The following GRK5 variants were observed in gnomAD, a reference collection of about 807,000 sequenced individuals.
GRK5 encodes g protein-coupled receptor kinase GRK5.
A neutral mutation model predicts 78.4 loss-of-function variants in GRK5; 40 were observed. The ratio of observed to expected loss-of-function variants is 0.51; its 90% confidence interval spans 0.40 to 0.66. The LOEUF is 0.66. Among genes scored for constraint, GRK5 ranks in the 30% least tolerant of loss-of-function variants. GRK5 has a pLI of 0.00. For synonymous variants in GRK5, 289 were observed against 296.8 expected (o/e 0.97, Z 0.27); for missense variants, 598 against 759.9 (o/e 0.79, Z 2.50).
intron 6 of GRK5, among the ~76,000 whole-genome samples, chr10:119,425,286 C>CACACACACAA (rs1554920951): frequency 2.5e-4 from 34 of 135,310 alleles, no homozygotes; most frequent in East Asian, 2.2e-3. Flanking sequence ...CACACACACA[C>CACACACACAA]ACACACACAC....
intron 1 of GRK5, among the ~76,000 whole-genome samples, chr10:119,249,150 A>G (rs1849158155): frequency 6.6e-6 from 1 of 152,100 alleles, no homozygotes; most frequent in African/African-American, 2.4e-5. Flanking sequence ...GGGTGCCTGT[A>G]ATCCCAGCTA....
At chr10:119,404,957 G>A (rs559212988) in intron 4 of GRK5, among the ~76,000 whole-genome samples, 22 of 152,374 alleles carry the variant, frequency 1.4e-4, no homozygotes, top group Admixed American at 8.5e-4. Context: ...AAGCGCCTGC[G>A]TGACCTGCTT....
intron 3 of GRK5, among the ~76,000 whole-genome samples, chr10:119,395,343 G>A (rs900832123): frequency 3.9e-5 from 6 of 152,332 alleles, no homozygotes; most frequent in African/African-American, 1.4e-4. Context: ...TGGTCACTGC[G>A]AGTGCCGCCT....
chr10:119,370,382 A>T (rs1351344044), intron 2 of GRK5, among the ~76,000 whole-genome samples: 5 of 152,244 alleles, frequency 3.3e-5, no homozygotes, highest in Non-Finnish European at 7.3e-5. Context: ...TGACAAGCAC[A>T]AGACATTCCG....
chr10:119,400,213 A>G (rs539517619), intron 4 of GRK5, among the ~76,000 whole-genome samples: 1 of 152,330 alleles, frequency 6.6e-6, no homozygotes, highest in Non-Finnish European at 1.5e-5. Context: ...CAGATTAACC[A>G]AATGCCCCAC....
intron 4 of GRK5, among the ~76,000 whole-genome samples, chr10:119,422,072 C>T (rs1852580782): frequency 6.6e-6 from 1 of 152,158 alleles, no homozygotes; most frequent in East Asian, 1.9e-4. Flanking sequence ...GTCCACACCC[C>T]ATCTTTCTGA....
intron 3 of GRK5, among the ~76,000 whole-genome samples, chr10:119,394,539 G>GTC (rs1247119106): frequency 7.6e-4 from 17 of 22,236 alleles, no homozygotes; most frequent in East Asian, 4.3e-3. Context: ...GTGTGTATCT[G>GTC]TGTGTGGGGG....
At chr10:119,403,910 C>T (rs1414926714) in intron 4 of GRK5, among the ~76,000 whole-genome samples, 2 of 152,214 alleles carry the variant, frequency 1.3e-5, no homozygotes, top group Non-Finnish European at 1.5e-5. Context: ...GCTGGGATTA[C>T]AGGCACGAGC....
chr10:119,273,032 G>A (rs1307085467), intron 1 of GRK5, among the ~76,000 whole-genome samples: 2 of 152,140 alleles, frequency 1.3e-5, no homozygotes, highest in Non-Finnish European at 2.9e-5. Context: ...ATTCTTTTAC[G>A]GAACCAAAGA....
At position 119,207,775 on chromosome 10, in the gene GRK5, A is replaced by G; in HGVS notation, c.-143A>G. The G allele has an allele frequency of 4.0e-6, 3 of 759,224 alleles. No homozygotes were observed. Among genetic ancestry groups the G allele is most frequent in the Non-Finnish European group, 6.2e-6 (3 of 482,440 alleles). The allele number at this position is 759,224 out of a possible 1,614,324, so 47.0% of individuals were successfully genotyped here. A position where few individuals can be genotyped will look rare whatever the true frequency, so the allele number is the denominator to read the frequency against. On this transcript the variant is annotated 5_prime_UTR_variant, in exon 1 of 16. Transcript: ENST00000392870. ...GGGAAACTCTTGGGCTGAGAGCAGGAATAATGCGGTAGGCAAGGCGGGCTG... is the reference window on the plus strand; with the variant it reads ...GGGAAACTCTTGGGCTGAGAGCAGGGATAATGCGGTAGGCAAGGCGGGCTG...
chr10:119,312,306 A>G (rs1383068280), intron 1 of GRK5, among the ~76,000 whole-genome samples: 1 of 152,162 alleles, frequency 6.6e-6, no homozygotes, highest in East Asian at 1.9e-4. Context: ...AGCCTCATGG[A>G]GAACGTGAGA....
intron 3 of GRK5, among the ~76,000 whole-genome samples, chr10:119,394,382 G>GTGGA (rs1564917175): frequency 0.014 from 1,495 of 105,632 alleles, 238 homozygotes; most frequent in Middle Eastern, 0.029. Flanking sequence ...GTGTCGGTGT[G>GTGGA]TGTATCTGTG....
chr10:119,302,500 T>C (rs1470934821), intron 1 of GRK5, among the ~76,000 whole-genome samples: 1 of 152,144 alleles, frequency 6.6e-6, no homozygotes, highest in Non-Finnish European at 1.5e-5. Flanking sequence ...CTGGTTGTAC[T>C]TTTTCTTCGC....
At chr10:119,444,587 G>A (rs1039890897) in intron 12 of GRK5, among the ~76,000 whole-genome samples, 1 of 152,150 alleles carries the variant, frequency 6.6e-6, no homozygotes, top group Admixed American at 6.5e-5. Flanking sequence ...CAGCACAGCT[G>A]TGCTGGCACC....
chr10:119,419,226 A>C (rs55806729), intron 4 of GRK5, among the ~76,000 whole-genome samples: 58,613 of 152,170 alleles, frequency 0.39, 12,786 homozygotes, highest in Admixed American at 0.48. Flanking sequence ...GAGGTTACTC[A>C]GAACCCCAGA....
chr10:119,336,902 G>A lies in GRK5; in HGVS notation c.148+10291G>A, dbSNP rs995132414. On this transcript the variant is annotated intron_variant, in intron 2 of 15. Transcript: ENST00000392870. The surrounding 1 kb of genome is among the most constrained non-coding windows in gnomAD (Gnocchi z 4.5). The stretch of plus-strand genomic sequence containing the variant: ...GCTCTCAGGAGGGAAGGGTGGCCCC[G>A]CTGTCTTTGCGGTGTTAGTCTCACC... Among the ~76,000 whole-genome samples the A allele has an allele frequency of 2.0e-5, 3 of 152,154 alleles. No individual in the cohort carries two copies. The highest frequency in any genetic ancestry group is 2.9e-5 in the Non-Finnish European group (2 of 68,012).
chr10:119,318,112 G>A (rs1007534922), intron 1 of GRK5, among the ~76,000 whole-genome samples: 5 of 151,882 alleles, frequency 3.3e-5, no homozygotes, highest in African/African-American at 1.2e-4. Flanking sequence ...CAAATGCATG[G>A]AACCTTCCTC....
At chr10:119,333,907 G>T (rs922683177) in intron 2 of GRK5, 8 of 515,658 alleles carry the variant, frequency 1.6e-5, no homozygotes, top group African/African-American at 1.2e-4. Context: ...CCAAGGCAAA[G>T]ATCTATCCCC....
At chr10:119,327,048 G>A (rs74157657) in intron 2 of GRK5, among the ~76,000 whole-genome samples, 1,919 of 151,462 alleles carry the variant, frequency 0.013, 40 homozygotes, top group African/African-American at 0.045. Context: ...TGTGGGTCCT[G>A]CCCTCAGGGG....
Sources: gnomAD v4.1 joint callset for allele counts (sites outside exome capture counted in the v4.1 genomes callset) on GRCh38, gnomAD v4.1.1 for gene constraint, Gnocchi (gnomAD v3.1) non-coding constraint, MANE v1.5 for transcripts, NCBI Gene and HGNC (gene_info 2026-07-23, HGNC 2026-07-21) for gene names.